The following TTYH2 variants were observed in gnomAD, a reference collection of about 807,000 sequenced individuals.
TTYH2 encodes tweety family member 2, also known as protein tweety homolog 2.
A neutral mutation model predicts 68.3 loss-of-function variants in TTYH2; 49 were observed. The ratio of observed to expected loss-of-function variants is 0.72; its 90% CI spans 0.57 to 0.91. TTYH2 has a LOEUF of 0.91. TTYH2 is among the 40% of genes least tolerant of loss of function. TTYH2 has a pLI of 0.00. For missense variants in TTYH2, 631 were observed against 700.4 expected, an observed-to-expected ratio of 0.90 and a Z score of 1.12; for synonymous variants, 272 against 300.8, an observed-to-expected ratio of 0.90 and a Z score of 0.99.
chr17:74,222,521 C>G lies in TTYH2; in HGVS notation c.166C>G (p.Leu56Val). Residue 56 changes from leucine (L) to valine (V), a missense_variant, in exon 2 of 14, where the codon CTG becomes GTG. Physicochemically the swap from Leu to Val is conservative, Grantham distance 32 (BLOSUM62 1). Coordinates refer to ENST00000269346, the MANE Select transcript of TTYH2 (RefSeq NM_032646.6). This position sits in a 1 kb window ranked among gnomAD's most constrained non-coding sequence, Gnocchi z 5.2. ...LFLGLVAAVCLGLNLIFLVAY... is the reference protein window; with the variant it reads ...LFLGLVAAVCVGLNLIFLVAY... ...CCTGGGGCTGGTGGCCGCCGTCTGCCTGGGCCTGAACCTCATCTTCCTTGT... is the reference window on the plus strand; with the variant it reads ...CCTGGGGCTGGTGGCCGCCGTCTGCGTGGGCCTGAACCTCATCTTCCTTGT... The G allele has an allele frequency of 6.2e-7, 1 of 1,611,992 alleles. No homozygotes were observed.
rs1201891242 is a variant in TTYH2, at chr17:74,261,768, C to CT, written c.*1560dup. On this transcript the variant is annotated 3_prime_UTR_variant, in exon 14 of 14. Coordinates refer to ENST00000269346, the MANE Select transcript of TTYH2 (RefSeq NM_032646.6). ...CCACAGGGCAGCCGGGACTCCCTGT[C>CT]TCACCTACATTAACCCATGCATACT... 1 of 152,308 alleles carries CT rather than the reference C, an allele frequency of 6.6e-6. No homozygotes were observed. The highest frequency in any genetic ancestry group is 1.9e-4 in the East Asian group (1 of 5,196). 9.4% of individuals were successfully genotyped at this position (152,308 alleles called of 1,614,324 possible).
chr17:74,219,256 GCACA>G (rs2050252011), intron 1 of TTYH2, among the ~76,000 whole-genome samples: 1 of 151,260 alleles, frequency 6.6e-6, no homozygotes, highest in African/African-American at 2.4e-5. Context: ...GGGCCTGGTA[GCACA>G]TGCCTGTAAT....
intron 10 of TTYH2, among the ~76,000 whole-genome samples, chr17:74,251,544 A>G (rs1351466505): frequency 6.6e-6 from 1 of 151,994 alleles, no homozygotes; most frequent in African/African-American, 2.4e-5. Flanking sequence ...TCTAATCCCC[A>G]GCAAGTCTTG....
Position 74,215,508 on chromosome 17 carries a change from A to C in TTYH2, c.129+1792A>C. On this transcript the variant is annotated intron_variant, in intron 1 of 13. Coordinates refer to ENST00000269346, the MANE Select transcript of TTYH2 (RefSeq NM_032646.6). The surrounding 1 kb of genome is among the most constrained non-coding windows in gnomAD (Gnocchi z 4.3). ...CCTCCCAGGATTCTGGCCCCGGCTC[A>C]CTTTGTGCTGGGCATCAAATGGTTC... 1 of 918,730 alleles carries C rather than the reference A, an allele frequency of 1.1e-6. No individual in the cohort carries two copies. The highest frequency in any genetic ancestry group is 1.7e-5 in the South Asian group (1 of 59,560). 56.9% of individuals were successfully genotyped at this position (918,730 alleles called of 1,614,324 possible). A position where few individuals can be genotyped will look rare whatever the true frequency, so the allele number is the denominator to read the frequency against.
In TTYH2 at chr17:74,213,626, G is replaced by C; in HGVS notation, c.39G>C (p.Trp13Cys). The part of the protein sequence containing the change: ...AARVDYIAPW[W>C]VVWLHSVPHV... Reference sequence around the variant, plus strand: ...GCGTGGACTACATCGCTCCCTGGTGGGTCGTGTGGCTGCACAGCGTCCCGC... The same window carrying C: ...GCGTGGACTACATCGCTCCCTGGTGCGTCGTGTGGCTGCACAGCGTCCCGC... The change falls in exon 1 of 14, where the codon TGG becomes TGC. Residue 13 changes from tryptophan to cysteine, a missense_variant. Coordinates refer to ENST00000269346, the MANE Select transcript of TTYH2 (RefSeq NM_032646.6). This position sits in a 1 kb window ranked among gnomAD's most constrained non-coding sequence, Gnocchi z 6.1. 6.2e-7 allele frequency: 1 copy of C among 1,611,816 alleles called. No homozygotes were observed. Among genetic ancestry groups the C allele is most frequent in the East Asian group, 2.2e-5 (1 of 44,742 alleles).
rs35080135 is a variant in TTYH2, at chr17:74,227,983, C to CTTTTTTTTTTTTTTTTTTTTTTT, written c.303-2887_303-2886insTTTTTTTTTTTTTTTTTTTTTTT. Among the ~76,000 whole-genome samples the CTTTTTTTTTTTTTTTTTTTTTTT allele has an allele frequency of 3.6e-5, 4 of 112,556 alleles. 1 individual carries two copies. The highest frequency in any genetic ancestry group is 1.9e-4 in the African/African-American group (4 of 21,536). 73.8% of individuals were successfully genotyped at this position (112,556 alleles called of 152,430 possible). The stretch of plus-strand genomic sequence containing the variant: ...GAAGGAGGTTTCTTTTCTTTTCTTT[C>CTTTTTTTTTTTTTTTTTTTTTTT]TTTTTTTTTTTTTTTTTTGAGATAG... On this transcript the variant is annotated intron_variant, in intron 2 of 13. Coordinates refer to ENST00000269346, the MANE Select transcript of TTYH2 (RefSeq NM_032646.6).
chr17:74,236,647 CA>C (rs2050445527), intron 3 of TTYH2, among the ~76,000 whole-genome samples: 1 of 152,222 alleles, frequency 6.6e-6, no homozygotes, highest in Non-Finnish European at 1.5e-5. Context: ...CTCCCAGCGC[CA>C]GAGGCTAGAC....
At chr17:74,231,212 G>T (rs2143737747) in intron 3 of TTYH2, among the ~76,000 whole-genome samples, 2 of 152,328 alleles carry the variant, frequency 1.3e-5, no homozygotes. Context: ...CAGGGATGGG[G>T]GTGAGGACTA....
intron 8 of TTYH2, among the ~76,000 whole-genome samples, 154 bp downstream of exon 8, chr17:74,249,553 G>A (rs1462569685): frequency 6.6e-6 from 1 of 152,196 alleles, no homozygotes; most frequent in East Asian, 1.9e-4. Context: ...GCGTGCTTTT[G>A]GTCGTGGGTT....
chr17:74,224,269 T>G (rs991852927), intron 2 of TTYH2, among the ~76,000 whole-genome samples: 7 of 152,194 alleles, frequency 4.6e-5, no homozygotes, highest in East Asian at 3.9e-4. Context: ...GGCATGGTAG[T>G]GCATGCTTGT....
Position 74,223,860 on chromosome 17 carries a change from T to C in TTYH2, c.302+1203T>C, listed in dbSNP as rs1047939806. On this transcript the variant is annotated intron_variant, in intron 2 of 13. Coordinates refer to ENST00000269346, the MANE Select transcript of TTYH2 (RefSeq NM_032646.6). ...ACCTTGCCACTGCGAGTTTCTTCTC[T>C]GTTGGAAGATGTTCTTGATCTCGTC... 2.0e-5 allele frequency among the ~76,000 whole-genome samples: 3 copies of C among 152,098 alleles called. No homozygotes were observed. The East Asian group carries it at 5.8e-4, about 29-fold the overall frequency.
Position 74,239,340 on chromosome 17 carries a change from C to T in TTYH2, c.635+1826C>T, listed in dbSNP as rs539839099. Among the ~76,000 whole-genome samples the T allele has an allele frequency of 1.5e-4, 23 of 152,294 alleles. No homozygotes were observed. The highest frequency in any genetic ancestry group is 2.5e-4 in the Non-Finnish European group (17 of 68,022). ...GCCCGGGCCTAGCATGGAGGAGGCA[C>T]GTGGGGAGGGGAAGCATGAGTCAGG... On this transcript the variant is annotated intron_variant, in intron 4 of 13. Coordinates refer to ENST00000269346, the MANE Select transcript of TTYH2 (RefSeq NM_032646.6). This position sits in a 1 kb window ranked among gnomAD's most constrained non-coding sequence, Gnocchi z 5.3.
chr17:74,227,957 G>C (rs1267278460), intron 2 of TTYH2, among the ~76,000 whole-genome samples: 2 of 147,214 alleles, frequency 1.4e-5, no homozygotes, highest in African/African-American at 5.3e-5. Context: ...AGGGCGCCCT[G>C]GAAGGAGGTT....
At chr17:74,245,975 G>C (rs1485778481) in intron 6 of TTYH2, among the ~76,000 whole-genome samples, 1 of 152,184 alleles carries the variant, frequency 6.6e-6, no homozygotes, top group Non-Finnish European at 1.5e-5. Flanking sequence ...GGGTGAGGCA[G>C]GGAGAGGAGG....
At chr17:74,251,717 T>G (rs2050631768) in intron 10 of TTYH2, among the ~76,000 whole-genome samples, 1 of 152,104 alleles carries the variant, frequency 6.6e-6, no homozygotes, top group Non-Finnish European at 1.5e-5. Flanking sequence ...AGAGCAGTCC[T>G]TTTGCAGACT....
intron 2 of TTYH2, among the ~76,000 whole-genome samples, chr17:74,225,405 C>T (rs545583100): frequency 1.1e-4 from 17 of 151,886 alleles, no homozygotes; most frequent in Admixed American, 5.2e-4. Context: ...TGTGAGGGGT[C>T]GGGGTCTTTA....
intron 1 of TTYH2, among the ~76,000 whole-genome samples, chr17:74,220,462 C>T (rs2050264592): frequency 6.6e-6 from 1 of 152,208 alleles, no homozygotes; most frequent in Non-Finnish European, 1.5e-5. Context: ...AACAAGCTCC[C>T]AGAAGATGTC....
Position 74,260,177 on chromosome 17 carries a change from C to G in TTYH2, c.1573C>G (p.Leu525Val), listed in dbSNP as rs769192709. The stretch of plus-strand genomic sequence containing the variant: ...CTACCTGTCTGTGGCGGATGAGCAC[C>G]TGAGGCACTACGGGAATCAGTTTCC... ...ATYLSVADEH[L>V]RHYGNQFPA Residue 525 changes from leucine (L) to valine (V), a missense_variant, in exon 14 of 14, where the codon CTG becomes GTG. Physicochemically the swap from Leu to Val is conservative, Grantham distance 32 (BLOSUM62 1). Coordinates refer to ENST00000269346, the MANE Select transcript of TTYH2 (RefSeq NM_032646.6). The G allele has an allele frequency of 6.2e-7, 1 of 1,613,988 alleles. No individual in the cohort carries two copies. The highest frequency in any genetic ancestry group is 8.5e-7 in the Non-Finnish European group (1 of 1,179,910).
intron 4 of TTYH2, among the ~76,000 whole-genome samples, chr17:74,238,542 G>T (rs1268918665): frequency 2.0e-5 from 3 of 151,894 alleles, no homozygotes; most frequent in Non-Finnish European, 2.9e-5. Flanking sequence ...GGGACTACAG[G>T]CATACAACCA....
Sources: gnomAD v4.1 joint callset for allele counts (sites outside exome capture counted in the v4.1 genomes callset) on GRCh38, gnomAD v4.1.1 for gene constraint, Gnocchi (gnomAD v3.1) non-coding constraint, MANE v1.5 for transcripts, NCBI Gene and HGNC (gene_info 2026-07-23, HGNC 2026-07-21) for gene names.